The following NLGN1 variants were observed in gnomAD, a reference collection of about 807,000 sequenced individuals.
The protein encoded by NLGN1 is neuroligin 1.
In NLGN1, 12 loss-of-function variants were observed where a neutral mutation model predicts 65.5. The observed-to-expected ratio is 0.18, with a 90% CI of 0.12 to 0.30. The LOEUF (loss-of-function observed/expected upper bound fraction) is 0.30. NLGN1 is among the 10% of genes least tolerant of loss of function. The probability of loss-of-function intolerance (pLI) is 1.00; values close to 1 mark genes in which losing one functional copy is unlikely to be tolerated. For missense variants in NLGN1, 750 were observed against 1,007.1 expected (o/e 0.74, Z 3.46); for synonymous variants, 350 against 359.5 (o/e 0.97, Z 0.30).
chr3:173,856,321 G>A (rs1180702763), intron 4 of NLGN1, among the ~76,000 whole-genome samples: 1 of 152,066 alleles, frequency 6.6e-6, no homozygotes, highest in Non-Finnish European at 1.5e-5. Flanking sequence ...ACCTTGCTCA[G>A]ATTATCTCAT....
chr3:173,807,987 T>A (rs1717032963), intron 4 of NLGN1, among the ~76,000 whole-genome samples, 155 bp downstream of exon 4: 1 of 152,174 alleles, frequency 6.6e-6, no homozygotes, highest in South Asian at 2.1e-4. Flanking sequence ...CAATGAATTC[T>A]ATAGGTTGGT....
intron 3 of NLGN1, among the ~76,000 whole-genome samples, chr3:173,678,068 A>G (rs967806733): frequency 2.0e-5 from 3 of 152,194 alleles, no homozygotes; most frequent in East Asian, 1.9e-4. Context: ...ATCTTGCTGT[A>G]TATGGAAGCA....
At chr3:173,689,546 G>A (rs1294495255) in intron 3 of NLGN1, among the ~76,000 whole-genome samples, 1 of 152,106 alleles carries the variant, frequency 6.6e-6, no homozygotes, top group Non-Finnish European at 1.5e-5. Context: ...TTTCCTGTAG[G>A]CACTATTAAA....
chr3:173,641,485 CAG>C (rs963986994), intron 3 of NLGN1, among the ~76,000 whole-genome samples: 14 of 152,078 alleles, frequency 9.2e-5, no homozygotes, highest in African/African-American at 2.9e-4. Flanking sequence ...TTAGTAGAGA[CAG>C]GGTTTCGCCA....
At chr3:174,003,203 A>G (rs1178687216) in intron 4 of NLGN1, among the ~76,000 whole-genome samples, 4 of 152,192 alleles carry the variant, frequency 2.6e-5, no homozygotes, top group Non-Finnish European at 5.9e-5. Context: ...ATAATATCAG[A>G]GGGGCTATGG....
At chr3:173,884,895 G>A (rs1333295010) in intron 4 of NLGN1, among the ~76,000 whole-genome samples, 1 of 152,118 alleles carries the variant, frequency 6.6e-6, no homozygotes, top group Admixed American at 6.5e-5. Context: ...TGTTGAGATA[G>A]CCTCTGAAGA....
At chr3:173,933,425 A>G (rs1167349436) in intron 4 of NLGN1, among the ~76,000 whole-genome samples, 1 of 152,192 alleles carries the variant, frequency 6.6e-6, no homozygotes, top group African/African-American at 2.4e-5. Flanking sequence ...AGGGAGTTTG[A>G]TGACTACAGA....
At chr3:174,206,624 A>C (rs1158552033) in intron 4 of NLGN1, among the ~76,000 whole-genome samples, 3 of 152,160 alleles carry the variant, frequency 2.0e-5, no homozygotes, top group Non-Finnish European at 4.4e-5. Context: ...TACCTCTCAG[A>C]GTCTCCCTCG....
intron 4 of NLGN1, among the ~76,000 whole-genome samples, chr3:173,908,526 C>A (rs1373010588): frequency 1.3e-5 from 2 of 151,896 alleles, no homozygotes; most frequent in Non-Finnish European, 2.9e-5. Flanking sequence ...CAGCCAAAAT[C>A]TTGAATGTGC....
At chr3:173,512,495 T>G (rs1462238464) in intron 2 of NLGN1, among the ~76,000 whole-genome samples, 1 of 152,184 alleles carries the variant, frequency 6.6e-6, no homozygotes, top group Non-Finnish European at 1.5e-5. Context: ...ATCCAGGTGC[T>G]TCTTCCCGAT....
intron 4 of NLGN1, among the ~76,000 whole-genome samples, chr3:174,241,992 C>T (rs1742960424): frequency 6.6e-6 from 1 of 152,144 alleles, no homozygotes; most frequent in Admixed American, 6.5e-5. Flanking sequence ...TGTGTGCCAG[C>T]AGAGCACAGT....
intron 4 of NLGN1, among the ~76,000 whole-genome samples, chr3:173,862,649 A>G (rs1729380075): frequency 6.6e-6 from 1 of 152,048 alleles, no homozygotes. Flanking sequence ...AAAGGGAAAC[A>G]CCAAGCGAAT....
chr3:173,745,757 C>T (rs1231671854), intron 3 of NLGN1, among the ~76,000 whole-genome samples: 1 of 152,090 alleles, frequency 6.6e-6, no homozygotes, highest in Non-Finnish European at 1.5e-5. Flanking sequence ...GCCCAGTTAC[C>T]TAGTTCCAGG....
chr3:174,253,864 T>C (rs1745192959), intron 4 of NLGN1, among the ~76,000 whole-genome samples: 1 of 152,160 alleles, frequency 6.6e-6, no homozygotes, highest in African/African-American at 2.4e-5. Context: ...TTTCTCTAAC[T>C]GAAGGCCAAG....
At chr3:173,791,303 A>G (rs1252951698) in intron 3 of NLGN1, among the ~76,000 whole-genome samples, 3 of 152,182 alleles carry the variant, frequency 2.0e-5, no homozygotes, top group East Asian at 1.9e-4. Flanking sequence ...TCATTGGCCT[A>G]TATGACTATC....
In NLGN1 at chr3:174,155,000, ATTT is replaced by A. The variant is rs1725162571; in HGVS notation, c.647-120314_647-120312del. On this transcript the variant is annotated intron_variant, in intron 4 of 6. Transcript: ENST00000457714. Reference sequence around the variant, plus strand: ...ATATATTATATTATATATTATATATATTTATATATTGATATAAATATATAAAAT... The same window carrying A: ...ATATATTATATTATATATTATATATAATATATTGATATAAATATATAAAAT... Among the ~76,000 whole-genome samples the A allele has an allele frequency of 8.4e-5, 6 of 71,188 alleles. 1 individual carries two copies. Among genetic ancestry groups the A allele is most frequent in the African/African-American group, 3.9e-4 (4 of 10,270 alleles). 46.7% of individuals were successfully genotyped at this position (71,188 alleles called of 152,430 possible).
rs1171466313 is a variant in NLGN1 at position 174,005,749 on chromosome 3, G to A, written c.646+197917G>A. Among the ~76,000 whole-genome samples the A allele has an allele frequency of 2.6e-5, 4 of 151,676 alleles. No homozygotes were observed. The South Asian group carries it at 6.2e-4, about 24-fold the overall frequency. ...ATTTATATAGAGAAATAAAAGAAGA[G>A]CACTTAATATATGTATTCCTGAGTG... On this transcript the variant is annotated intron_variant, in intron 4 of 6. Coordinates refer to ENST00000457714, the Ensembl canonical transcript of NLGN1.
intron 4 of NLGN1, among the ~76,000 whole-genome samples, chr3:174,269,713 C>A (rs1375508636): frequency 6.6e-6 from 1 of 151,840 alleles, no homozygotes; most frequent in African/African-American, 2.4e-5. Flanking sequence ...CCCAGAAGAA[C>A]GATGCTGAAT....
At chr3:173,871,173 G>A (rs1373764035) in intron 4 of NLGN1, among the ~76,000 whole-genome samples, 1 of 152,262 alleles carries the variant, frequency 6.6e-6, no homozygotes, top group East Asian at 1.9e-4. Context: ...GGAAGATGAC[G>A]TGTCCCGAAG....
Sources: allele counts gnomAD v4.1 joint callset (sites outside exome capture counted in the v4.1 genomes callset), GRCh38; gene constraint gnomAD v4.1.1; transcripts MANE v1.5; gene names NCBI Gene and HGNC (gene_info 2026-07-23, HGNC 2026-07-21).